Variants in PARD3B observed in about 807,000 individuals in gnomAD.
The protein encoded by PARD3B is partitioning defective 3 homolog B.
In PARD3B, 103 loss-of-function variants were observed where a neutral mutation model predicts 130.2. The observed-to-expected ratio is 0.79, with a 90% CI of 0.67 to 0.93. The LOEUF is 0.93. Ranked by LOEUF, PARD3B falls within the 40% of genes least tolerant of loss-of-function variation. The probability of loss-of-function intolerance (pLI) is 0.00; values close to 1 mark genes in which losing one functional copy is unlikely to be tolerated. For synonymous variants in PARD3B, 583 were observed against 553.2 expected, an observed-to-expected ratio of 1.05 and a Z score of -0.76; for missense variants, 1,609 against 1,499.2, an observed-to-expected ratio of 1.07 and a Z score of -1.21.
At chr2:205,273,557 T>C (rs1055681110) in intron 16 of PARD3B, among the ~76,000 whole-genome samples, 5 of 152,204 alleles carry the variant, frequency 3.3e-5, no homozygotes, top group African/African-American at 9.7e-5. Context: ...GACTTCTCAA[T>C]CTTGACCATG....
chr2:204,779,879 C>T (rs2041775826), intron 2 of PARD3B, among the ~76,000 whole-genome samples: 1 of 152,114 alleles, frequency 6.6e-6, no homozygotes, highest in South Asian at 2.1e-4. Context: ...ATGACTAATC[C>T]AGCTTACTCT....
At chr2:204,953,442 G>C (rs1206445664) in intron 2 of PARD3B, among the ~76,000 whole-genome samples, 1 of 150,740 alleles carries the variant, frequency 6.6e-6, no homozygotes, top group Non-Finnish European at 1.5e-5. Context: ...GAGAGAGAGA[G>C]AGAGAGAGAG....
At chr2:205,481,543 T>G (rs1019496320) in intron 20 of PARD3B, among the ~76,000 whole-genome samples, 27 of 152,302 alleles carry the variant, frequency 1.8e-4, no homozygotes, top group Admixed American at 4.6e-4. Context: ...AGGCTCATCA[T>G]TACAACCAAC....
At position 204,713,085 on chromosome 2, in the gene PARD3B, T is replaced by A. The variant is rs74472325; in HGVS notation, c.222+26803T>A. Among the ~76,000 whole-genome samples, 407 of 152,258 alleles carry A rather than the reference T, an allele frequency of 2.7e-3. 5 individuals carry two copies. The highest frequency in any genetic ancestry group is 9.5e-3 in the African/African-American group (393 of 41,558). On this transcript the variant is annotated intron_variant, in intron 2 of 22. Transcript: ENST00000406610. ...CTGTATTTGAACTTATTAATCCTGA[T>A]TTTTGCTTCTTCCTGTTGAAGGACA...
chr2:205,536,488 A>C (rs2051865315), intron 21 of PARD3B, among the ~76,000 whole-genome samples: 1 of 152,176 alleles, frequency 6.6e-6, no homozygotes, highest in Non-Finnish European at 1.5e-5. Flanking sequence ...CCTCAAATTG[A>C]AAGTGATGTT....
intron 1 of PARD3B, among the ~76,000 whole-genome samples, chr2:204,631,342 C>A (rs985755581): frequency 1.3e-5 from 2 of 151,704 alleles, no homozygotes; most frequent in Non-Finnish European, 2.9e-5. Context: ...CTCTGCCTCT[C>A]GGGTTCAAGC....
intron 20 of PARD3B, among the ~76,000 whole-genome samples, chr2:205,447,223 G>A (rs2047936002): frequency 6.6e-6 from 1 of 152,112 alleles, no homozygotes; most frequent in Non-Finnish European, 1.5e-5. Flanking sequence ...CCTCAAATGG[G>A]GTTTATACAG....
At chr2:205,361,269 G>C (rs904568507) in intron 18 of PARD3B, among the ~76,000 whole-genome samples, 6 of 152,116 alleles carry the variant, frequency 3.9e-5, no homozygotes, top group Non-Finnish European at 7.4e-5. Context: ...TTATTTTAGG[G>C]TCAGGAGCTC....
chr2:204,878,778 A>G (rs1405252676), intron 2 of PARD3B, among the ~76,000 whole-genome samples: 3 of 152,216 alleles, frequency 2.0e-5, no homozygotes, highest in African/African-American at 4.8e-5. Flanking sequence ...GCTGTTTGGT[A>G]TATCAGGATT....
chr2:205,324,649 C>G (rs558897722), intron 18 of PARD3B, among the ~76,000 whole-genome samples: 1 of 152,128 alleles, frequency 6.6e-6, no homozygotes, highest in Non-Finnish European at 1.5e-5. Context: ...ATATTGTTCT[C>G]TCAGGGCATT....
At chr2:205,398,210 AG>A (rs2046101474) in intron 18 of PARD3B, among the ~76,000 whole-genome samples, 2 of 152,286 alleles carry the variant, frequency 1.3e-5, no homozygotes, top group South Asian at 4.2e-4. Flanking sequence ...CTAAGGCAGG[AG>A]AATCGCTTGA....
intron 1 of PARD3B, among the ~76,000 whole-genome samples, chr2:204,635,832 TAATAG>T (rs912233802): frequency 6.6e-6 from 1 of 152,230 alleles, no homozygotes; most frequent in Non-Finnish European, 1.5e-5. Flanking sequence ...TAATGTATCA[TAATAG>T]AAATCATTTC....
In PARD3B at chr2:205,142,809, C is replaced by T. The variant is rs898762671; in HGVS notation, c.1435-15913C>T. Among the ~76,000 whole-genome samples the T allele has an allele frequency of 2.0e-5, 3 of 151,904 alleles. No homozygotes were observed. The highest frequency in any genetic ancestry group is 7.3e-5 in the African/African-American group (3 of 41,318). On this transcript the variant is annotated intron_variant, in intron 10 of 22. Transcript: ENST00000406610. The surrounding 1 kb of genome is among the most constrained non-coding windows in gnomAD (Gnocchi z 4.3). Reference sequence around the variant, plus strand: ...AGGAGAATCGTTTGAACCCGGGAGGCAGAGGTTGCAGTGAGCCGAGATCAC... The same window carrying T: ...AGGAGAATCGTTTGAACCCGGGAGGTAGAGGTTGCAGTGAGCCGAGATCAC...
At chr2:204,868,111 G>A (rs937973429) in intron 2 of PARD3B, among the ~76,000 whole-genome samples, 3 of 152,138 alleles carry the variant, frequency 2.0e-5, no homozygotes, top group African/African-American at 7.2e-5. Flanking sequence ...CTGGGGTGGT[G>A]AAGGGTCTAT....
chr2:205,469,645 A>C lies in PARD3B; in HGVS notation c.3044+28973A>C, dbSNP rs200096797. 4.6e-5 allele frequency among the ~76,000 whole-genome samples: 7 copies of C among 152,264 alleles called. No individual in the cohort carries two copies. In the East Asian group the frequency reaches 1.2e-3, roughly 25 times the overall value. On this transcript the variant is annotated intron_variant, in intron 20 of 22. Transcript: ENST00000406610. Reference sequence around the variant, plus strand: ...CTCAAGAGGAAAGGCTCTACTTGGCAATTACCTTTTTGTAAATCTCTTCCT... The same window carrying C: ...CTCAAGAGGAAAGGCTCTACTTGGCCATTACCTTTTTGTAAATCTCTTCCT...
At chr2:204,723,405 A>G (rs1055275567) in intron 2 of PARD3B, among the ~76,000 whole-genome samples, 3 of 152,292 alleles carry the variant, frequency 2.0e-5, no homozygotes, top group Middle Eastern at 6.8e-3. Flanking sequence ...GAGTAAGCTA[A>G]AGACATTCAA....
chr2:205,109,377 G>A (rs896104158), intron 5 of PARD3B, among the ~76,000 whole-genome samples: 3 of 152,164 alleles, frequency 2.0e-5, no homozygotes, highest in African/African-American at 7.2e-5. Context: ...CTCTCTGCAT[G>A]TCAGCAGTCT....
chr2:204,576,256 C>G (rs1050510841), intron 1 of PARD3B, among the ~76,000 whole-genome samples: 14 of 152,124 alleles, frequency 9.2e-5, no homozygotes, highest in Non-Finnish European at 1.8e-4. Context: ...GGCTGGGGTG[C>G]TGCTATTTTT....
intron 3 of PARD3B, among the ~76,000 whole-genome samples, chr2:205,024,092 C>T (rs1387046990): frequency 2.0e-5 from 3 of 151,576 alleles, no homozygotes; most frequent in Non-Finnish European, 4.4e-5. Flanking sequence ...AGAATAATGC[C>T]CAGTGCAGGG....
Sources: gnomAD v4.1 joint callset for allele counts (sites outside exome capture counted in the v4.1 genomes callset) on GRCh38, gnomAD v4.1.1 for gene constraint, Gnocchi (gnomAD v3.1) non-coding constraint, MANE v1.5 for transcripts, NCBI Gene and HGNC (gene_info 2026-07-23, HGNC 2026-07-21) for gene names.